The following CSMD3 variants were observed in gnomAD, a reference collection of about 807,000 sequenced individuals.
CSMD3 encodes the protein CUB and sushi domain-containing protein 3.
Under a neutral mutation model 435.2 loss-of-function variants are expected in CSMD3, and 177 were observed. The ratio of observed to expected loss-of-function variants is 0.41; its 90% CI spans 0.36 to 0.46. The LOEUF (loss-of-function observed/expected upper bound fraction) is 0.46. CSMD3 is among the 20% of genes least tolerant of loss of function. The pLI is 0.34. For synonymous variants in CSMD3, 1,656 were observed against 1,520.5 expected, an observed-to-expected ratio of 1.09 and a Z score of -2.07; for missense variants, 4,265 against 4,504.6, an observed-to-expected ratio of 0.95 and a Z score of 1.52.
chr8:112,810,278 A>C lies in CSMD3; in HGVS notation c.1860-10004T>G, dbSNP rs575444619. On this transcript the variant is annotated intron_variant, in intron 12 of 70. Transcript: ENST00000297405. ...TAATCCCAAAGTAAAAGTAACTAAT[A>C]TGTGTCTAAATATTAATCCATAAAT... Among the ~76,000 whole-genome samples the C allele has an allele frequency of 7.6e-4, 116 of 152,294 alleles. 1 individual carries two copies. The highest frequency in any genetic ancestry group is 2.7e-3 in the African/African-American group (112 of 41,582).
intron 32 of CSMD3, among the ~76,000 whole-genome samples, chr8:112,439,430 T>C (rs1431533151): frequency 6.6e-6 from 1 of 152,122 alleles, no homozygotes; most frequent in East Asian, 1.9e-4. Context: ...TGAGCCACCG[T>C]GACATACTTT....
chr8:113,204,542 G>A (rs1318659939), intron 3 of CSMD3, among the ~76,000 whole-genome samples: 1 of 151,942 alleles, frequency 6.6e-6, no homozygotes, highest in Non-Finnish European at 1.5e-5. Flanking sequence ...TAAATGTACT[G>A]GATTTTAAAG....
At chr8:112,578,173 C>A (rs1387950826) in intron 23 of CSMD3, among the ~76,000 whole-genome samples, 1 of 151,886 alleles carries the variant, frequency 6.6e-6, no homozygotes, top group Admixed American at 6.6e-5. Flanking sequence ...AATATTCTCT[C>A]CAAAGATAAT....
intron 32 of CSMD3, among the ~76,000 whole-genome samples, chr8:112,438,602 G>GA (rs1312244674): frequency 6.6e-6 from 1 of 152,006 alleles, no homozygotes. Flanking sequence ...TAAACCAAGA[G>GA]AAAAAACTCT....
At chr8:112,540,536 T>C (rs535652924) in intron 27 of CSMD3, among the ~76,000 whole-genome samples, 70 of 152,038 alleles carry the variant, frequency 4.6e-4, no homozygotes, top group South Asian at 3.5e-3. Flanking sequence ...CAACCATCAT[T>C]TGATGAGTGG....
intron 1 of CSMD3, among the ~76,000 whole-genome samples, chr8:113,336,624 A>T (rs767147140): frequency 6.6e-6 from 1 of 152,082 alleles, no homozygotes; most frequent in Non-Finnish European, 1.5e-5. Context: ...CATTGCTGTC[A>T]GGTCGAAGAA....
intron 19 of CSMD3, among the ~76,000 whole-genome samples, chr8:112,648,253 G>A (rs1178115698): frequency 6.6e-6 from 1 of 152,148 alleles, no homozygotes; most frequent in Non-Finnish European, 1.5e-5. Flanking sequence ...TGATACAATA[G>A]TTGAGTTCAG....
intron 31 of CSMD3, among the ~76,000 whole-genome samples, chr8:112,487,903 A>G (rs1000091802): frequency 6.6e-6 from 1 of 152,248 alleles, no homozygotes; most frequent in Admixed American, 6.5e-5. Context: ...GACTGTATAT[A>G]AGTAAATTAC....
chr8:113,043,176 T>C (rs997470042), intron 5 of CSMD3, among the ~76,000 whole-genome samples: 6 of 152,220 alleles, frequency 3.9e-5, no homozygotes, highest in Admixed American at 3.9e-4. Context: ...AGGTCACCCT[T>C]AAATACAAAC....
intron 3 of CSMD3, among the ~76,000 whole-genome samples, chr8:113,251,826 A>G (rs2093337509): frequency 6.6e-6 from 1 of 152,060 alleles, no homozygotes; most frequent in Non-Finnish European, 1.5e-5. Flanking sequence ...CACTTTTCTG[A>G]TTCACTTGAC....
At chr8:113,254,827 A>T (rs571510265) in intron 3 of CSMD3, among the ~76,000 whole-genome samples, 2 of 152,294 alleles carry the variant, frequency 1.3e-5, no homozygotes, top group Admixed American at 1.3e-4. Context: ...CCAACAATTT[A>T]GATTATATTT....
rs904833218 is a variant in CSMD3, at chr8:112,524,807, G to T, written c.4565-7582C>A. 4.0e-5 allele frequency among the ~76,000 whole-genome samples: 6 copies of T among 151,776 alleles called. No individual in the cohort carries two copies. In the East Asian group the frequency reaches 9.6e-4, roughly 24 times the overall value. Reference sequence around the variant, plus strand: ...TCTAAAAAATTAAAATGACATCTGTGTACAAAAAGCATCTTCTTTATATGA... The same window carrying T: ...TCTAAAAAATTAAAATGACATCTGTTTACAAAAAGCATCTTCTTTATATGA... On this transcript the variant is annotated intron_variant, in intron 27 of 70. Coordinates refer to ENST00000297405, the MANE Select transcript of CSMD3 (RefSeq NM_198123.2).
At chr8:112,893,118 A>G (rs1213083516) in intron 10 of CSMD3, among the ~76,000 whole-genome samples, 1 of 148,870 alleles carries the variant, frequency 6.7e-6, no homozygotes, top group Non-Finnish European at 1.5e-5. Flanking sequence ...TACTACTACA[A>G]CTACTACTAC....
At chr8:112,544,977 C>T (rs1827016087) in intron 27 of CSMD3, among the ~76,000 whole-genome samples, 1 of 152,050 alleles carries the variant, frequency 6.6e-6, no homozygotes. Context: ...AGCATATATA[C>T]TCGTGGCATG....
intron 28 of CSMD3, among the ~76,000 whole-genome samples, chr8:112,512,216 T>A (rs1028095440): frequency 6.6e-6 from 1 of 152,196 alleles, no homozygotes; most frequent in Admixed American, 6.5e-5. Flanking sequence ...TTCCAGAAGG[T>A]TTTCAATTTA....
At chr8:113,069,202 C>T (rs1189221915) in intron 5 of CSMD3, among the ~76,000 whole-genome samples, 1 of 152,072 alleles carries the variant, frequency 6.6e-6, no homozygotes, top group East Asian at 1.9e-4. Flanking sequence ...TTAAACTTGG[C>T]ACACACAACG....
intron 10 of CSMD3, among the ~76,000 whole-genome samples, chr8:112,916,796 T>C (rs1159853442): frequency 1.3e-5 from 2 of 151,964 alleles, no homozygotes; most frequent in African/African-American, 4.8e-5. Flanking sequence ...TGGTTACAAT[T>C]AATTAAATCT....
At chr8:113,097,622 T>C (rs891076212) in intron 5 of CSMD3, among the ~76,000 whole-genome samples, 4 of 152,090 alleles carry the variant, frequency 2.6e-5, no homozygotes, top group African/African-American at 7.2e-5. Context: ...GTTGTGCTTC[T>C]ACTCTAAATT....
At chr8:113,423,960 A>G (rs1011120152) in intron 1 of CSMD3, among the ~76,000 whole-genome samples, 4 of 151,890 alleles carry the variant, frequency 2.6e-5, no homozygotes, top group African/African-American at 9.7e-5. Context: ...TTTGAGATTT[A>G]GTAATAGGAA....
Sources: allele counts gnomAD v4.1 joint callset (sites outside exome capture counted in the v4.1 genomes callset), GRCh38; gene constraint gnomAD v4.1.1; transcripts MANE v1.5; gene names NCBI Gene and HGNC (gene_info 2026-07-23, HGNC 2026-07-21).